PCDH7: variants seen among roughly 807,000 people sequenced by gnomAD.
PCDH7 encodes the protein protocadherin-7.
In PCDH7, 17 loss-of-function variants were observed where a neutral mutation model predicts 58.9. The ratio of observed to expected loss-of-function variants is 0.29; its 90% confidence interval spans 0.20 to 0.43. The LOEUF (loss-of-function observed/expected upper bound fraction) is 0.43, where lower values mean the gene tolerates loss of function less well. PCDH7 is among the 20% of genes least tolerant of loss of function. The pLI is 1.00. For synonymous variants in PCDH7, 664 were observed against 616.4 expected, an observed-to-expected ratio of 1.08 and a Z score of -1.14; for missense variants, 1,274 against 1,441.0, an observed-to-expected ratio of 0.88 and a Z score of 1.88.
chr4:31,133,329 A>G (rs1468873743), intron 3 of PCDH7, among the ~76,000 whole-genome samples: 1 of 152,248 alleles, frequency 6.6e-6, no homozygotes, highest in Non-Finnish European at 1.5e-5. Flanking sequence ...TTAGTTTTCA[A>G]CAAATTATTA....
intron 3 of PCDH7, among the ~76,000 whole-genome samples, chr4:31,107,534 A>C (rs184258466): frequency 6.6e-6 from 1 of 152,336 alleles, no homozygotes; most frequent in Admixed American, 6.5e-5. Context: ...CTGAGACAGA[A>C]ACAGGACATC....
intron 3 of PCDH7, among the ~76,000 whole-genome samples, chr4:30,957,334 A>G (rs889396836): frequency 2.6e-5 from 4 of 152,208 alleles, no homozygotes; most frequent in African/African-American, 9.6e-5. Flanking sequence ...CAGGGGAAAA[A>G]TGTCTTCAGA....
intron 1 of PCDH7, among the ~76,000 whole-genome samples, chr4:30,868,795 T>C (rs1735189469): frequency 6.6e-6 from 1 of 152,104 alleles, no homozygotes; most frequent in South Asian, 2.1e-4. Context: ...TAAAGTGTTG[T>C]GATGCATCTG....
At chr4:30,857,850 T>C (rs1018968524) in intron 1 of PCDH7, among the ~76,000 whole-genome samples, 2 of 152,184 alleles carry the variant, frequency 1.3e-5, no homozygotes, top group Admixed American at 1.3e-4. Context: ...GATCCCAGTC[T>C]TCTGCCTTGT....
At chr4:31,131,959 A>C (rs1719045887) in intron 3 of PCDH7, among the ~76,000 whole-genome samples, 2 of 152,304 alleles carry the variant, frequency 1.3e-5, no homozygotes, top group East Asian at 1.9e-4. Flanking sequence ...AAAAGTAATC[A>C]CCTTTCAATT....
chr4:31,010,852 A>G (rs1753123627), intron 3 of PCDH7, among the ~76,000 whole-genome samples: 1 of 152,002 alleles, frequency 6.6e-6, no homozygotes, highest in African/African-American at 2.4e-5. Context: ...ATTTTTTCTC[A>G]GTCATATTTT....
At chr4:30,886,228 C>A (rs1421352213) in intron 1 of PCDH7, among the ~76,000 whole-genome samples, 1 of 148,838 alleles carries the variant, frequency 6.7e-6, no homozygotes, top group Non-Finnish European at 1.5e-5. Flanking sequence ...ACTCATCTGA[C>A]AAAGGGCTAA....
chr4:30,752,797 AAAAAAG>A (rs1292067423), intron 1 of PCDH7, among the ~76,000 whole-genome samples: 2 of 150,544 alleles, frequency 1.3e-5, no homozygotes, highest in Non-Finnish European at 3.0e-5. Context: ...AAAAAAAAAA[AAAAAAG>A]AAAGAAAAAG....
At chr4:30,914,192 A>G (rs1742119705) in intron 1 of PCDH7, among the ~76,000 whole-genome samples, 1 of 152,198 alleles carries the variant, frequency 6.6e-6, no homozygotes, top group African/African-American at 2.4e-5. Context: ...TTATAAGTAT[A>G]TGGTAGTTTA....
At chr4:30,942,788 T>C (rs570883149) in intron 2 of PCDH7, among the ~76,000 whole-genome samples, 1 of 152,180 alleles carries the variant, frequency 6.6e-6, no homozygotes, top group South Asian at 2.1e-4. Flanking sequence ...AATTTACTTA[T>C]TACTAAAATA....
At chr4:31,026,514 A>C (rs189390923) in intron 3 of PCDH7, among the ~76,000 whole-genome samples, 29 of 152,338 alleles carry the variant, frequency 1.9e-4, no homozygotes, top group Admixed American at 7.8e-4. Context: ...ATTTGTATGC[A>C]GATATTGTCT....
At chr4:30,752,416 C>A (rs768132648) in intron 1 of PCDH7, among the ~76,000 whole-genome samples, 2 of 152,298 alleles carry the variant, frequency 1.3e-5, no homozygotes, top group African/African-American at 4.8e-5. Context: ...ATCTCACACC[C>A]AAGTAGGTGA....
intron 1 of PCDH7, among the ~76,000 whole-genome samples, chr4:30,788,433 C>A (rs1723692737): frequency 1.3e-5 from 2 of 151,736 alleles, no homozygotes; most frequent in Admixed American, 6.6e-5. Flanking sequence ...CAGTTAGTAC[C>A]CTATCTGTAA....
intron 3 of PCDH7, among the ~76,000 whole-genome samples, chr4:30,956,213 G>C (rs1747851461): frequency 6.6e-6 from 1 of 150,884 alleles, no homozygotes; most frequent in South Asian, 2.1e-4. Context: ...GGGCAACAGA[G>C]TGAGACTGCA....
In PCDH7 at chr4:30,822,732, G is replaced by A. The variant is rs919960390; in HGVS notation, c.71-97421G>A. On this transcript the variant is annotated intron_variant, in intron 1 of 3. Coordinates refer to the PCDH7 transcript ENST00000509759. ...ATTACAGAATGCAACTGTGGGGAGT[G>A]CGCAGAGGATAATCTACACAAGATC... Among the ~76,000 whole-genome samples the A allele has an allele frequency of 6.6e-5, 10 of 152,174 alleles. No homozygotes were observed. In the East Asian group the frequency reaches 7.7e-4, roughly 12 times the overall value.
At chr4:30,999,520 G>A (rs545145141) in intron 3 of PCDH7, among the ~76,000 whole-genome samples, 4 of 152,178 alleles carry the variant, frequency 2.6e-5, no homozygotes, top group South Asian at 4.1e-4. Flanking sequence ...TTTGAATAGA[G>A]CATCCTTAAT....
intron 1 of PCDH7, among the ~76,000 whole-genome samples, chr4:30,894,132 A>T (rs1382490460): frequency 6.6e-6 from 1 of 152,080 alleles, no homozygotes; most frequent in Non-Finnish European, 1.5e-5. Context: ...TGAACCTTGT[A>T]TTCTGAAGGA....
At chr4:30,830,372 T>C (rs922148280) in intron 1 of PCDH7, among the ~76,000 whole-genome samples, 1 of 152,028 alleles carries the variant, frequency 6.6e-6, no homozygotes, top group Non-Finnish European at 1.5e-5. Context: ...CGTATGGTGA[T>C]GTAATAAGGA....
At chr4:30,928,246 A>T (rs969753921) in intron 2 of PCDH7, among the ~76,000 whole-genome samples, 2 of 152,194 alleles carry the variant, frequency 1.3e-5, no homozygotes, top group Non-Finnish European at 2.9e-5. Flanking sequence ...TCAACCTCAG[A>T]GGTTAGACGA....
Sources: allele counts gnomAD v4.1 joint callset (sites outside exome capture counted in the v4.1 genomes callset), GRCh38; gene constraint gnomAD v4.1.1; transcripts MANE v1.5; gene names NCBI Gene and HGNC (gene_info 2026-07-23, HGNC 2026-07-21).